Variants in FAM234A observed in about 807,000 individuals in gnomAD.
The protein encoded by FAM234A is protein FAM234A.
Under a neutral mutation model 49.1 loss-of-function variants are expected in FAM234A, and 42 were observed. The observed-to-expected ratio is 0.86, with a 90% CI of 0.67 to 1.11. The LOEUF (loss-of-function observed/expected upper bound fraction) is 1.11, where lower values mean the gene tolerates loss of function less well. Ranked by LOEUF, FAM234A falls within the 50% of genes least tolerant of loss-of-function variation. The pLI is 0.00. For synonymous variants in FAM234A, 369 were observed against 316.2 expected, an observed-to-expected ratio of 1.17 and a Z score of -1.77; for missense variants, 815 against 745.2, an observed-to-expected ratio of 1.09 and a Z score of -1.09.
At chr16:237,493 T>C (rs1281965863) in intron 1 of FAM234A, among the ~76,000 whole-genome samples, 1 of 151,986 alleles carries the variant, frequency 6.6e-6, no homozygotes, top group Non-Finnish European at 1.5e-5. Flanking sequence ...AAATAAAAGC[T>C]GGACCAGGGC....
At chr16:239,484 G>A (rs1024719448) in intron 1 of FAM234A, among the ~76,000 whole-genome samples, 2 of 149,982 alleles carry the variant, frequency 1.3e-5, no homozygotes, top group African/African-American at 2.5e-5. Context: ...ACGTGGTGGC[G>A]GGCACCTGTA....
chr16:248,717 C>A (rs1401858936), intron 1 of FAM234A, among the ~76,000 whole-genome samples: 2 of 151,838 alleles, frequency 1.3e-5, no homozygotes, highest in Non-Finnish European at 2.9e-5. Flanking sequence ...ACCTCCCGGG[C>A]TCAAGCAATC....
At chr16:251,538 CT>C (rs1371936074) in intron 2 of FAM234A, among the ~76,000 whole-genome samples, 3 of 151,994 alleles carry the variant, frequency 2.0e-5, no homozygotes, top group African/African-American at 7.2e-5. Context: ...CCATACCCAA[CT>C]AATTTTTTTG....
chr16:244,854 A>ATTTTTTTTTTTTTTTTTTTT (rs1203898846), intron 1 of FAM234A, among the ~76,000 whole-genome samples: 2 of 147,382 alleles, frequency 1.4e-5, no homozygotes, highest in African/African-American at 2.5e-5. Context: ...CGCCCGGCTA[A>ATTTTTTTTTTTTTTTTTTTT]TTTTTTTTTG....
downstream of FAM234A, chr16:269,479 C>T (rs117328895): frequency 2.7e-3 from 4,379 of 1,610,964 alleles, 208 homozygotes; most frequent in East Asian, 0.085. Context: ...CAGCCGCCGG[C>T]CACAGGGCAC....
chr16:269,213 G>T, downstream of FAM234A: 1 of 1,286,160 alleles, frequency 7.8e-7, no homozygotes, highest in East Asian at 2.5e-5. Flanking sequence ...GGTGGCTGCT[G>T]CATTCACGCA....
chr16:269,260 C>T, downstream of FAM234A: 1 of 1,539,980 alleles, frequency 6.5e-7, no homozygotes, highest in Non-Finnish European at 8.8e-7. Flanking sequence ...GGCAGATGGG[C>T]CAGGTCCACT....
intron 1 of FAM234A, among the ~76,000 whole-genome samples, chr16:243,139 C>T (rs1232901334): frequency 6.6e-6 from 1 of 152,012 alleles, no homozygotes; most frequent in Non-Finnish European, 1.5e-5. Flanking sequence ...TGCCACTACA[C>T]CTAATTTTAT....
chr16:237,119 A>C (rs1186381397), intron 1 of FAM234A, among the ~76,000 whole-genome samples: 1 of 151,776 alleles, frequency 6.6e-6, no homozygotes, highest in Non-Finnish European at 1.5e-5. Flanking sequence ...TTGCCCAGGC[A>C]GGTCTCAAAC....
downstream of FAM234A, chr16:269,822 C>T (rs543865306): frequency 1.7e-4 from 88 of 507,852 alleles, no homozygotes; most frequent in African/African-American, 1.5e-3. Context: ...CTGGTGGCCA[C>T]GTGTAGAGGA....
chr16:253,057 G>T (rs1339208355), intron 2 of FAM234A, among the ~76,000 whole-genome samples: 1 of 152,228 alleles, frequency 6.6e-6, no homozygotes, highest in East Asian at 1.9e-4. Flanking sequence ...GAGACAAAAT[G>T]GAAGTTTGTT....
rs768537070 is a variant in FAM234A, at chr16:248,872, C to T, written c.-139-677C>T. Among the ~76,000 whole-genome samples the T allele has an allele frequency of 1.3e-5, 2 of 152,072 alleles. 1 individual carries two copies. Among genetic ancestry groups the T allele is most frequent in the African/African-American group, 4.8e-5 (2 of 41,348 alleles). ...CTAGGCTCAAGCGACCCACCTGCCT[C>T]AGTCCCCCAAAGTGCTGGGATTACA... On this transcript the variant is annotated intron_variant, in intron 1 of 12. Coordinates refer to ENST00000399932, the MANE Select transcript of FAM234A (RefSeq NM_032039.4).
chr16:266,140 T>C (rs2051687431), downstream of FAM234A: 2 of 946,820 alleles, frequency 2.1e-6, no homozygotes, highest in South Asian at 4.9e-5. Flanking sequence ...CGTCTGCCTG[T>C]CTGTCTGCTC....
chr16:242,503 C>T (rs1476241397), intron 1 of FAM234A, among the ~76,000 whole-genome samples: 4 of 151,916 alleles, frequency 2.6e-5, no homozygotes, highest in African/African-American at 9.7e-5. Context: ...CACGAGTCAC[C>T]GCGGGCTTAC....
chr16:264,259 A>G (rs552345956), intron 11 of FAM234A, 88 bp downstream of exon 11: 1 of 1,351,080 alleles, frequency 7.4e-7, no homozygotes, highest in Non-Finnish European at 9.9e-7. Flanking sequence ...CCAGAAGCTC[A>G]TCGGTGCCTG....
rs376634329 is a variant in FAM234A, at chr16:265,942, G to A, written c.*920G>A. On this transcript the variant is annotated 3_prime_UTR_variant, in exon 13 of 13. Coordinates refer to ENST00000399932, the MANE Select transcript of FAM234A (RefSeq NM_032039.4). ...GCCACCCGATGCAGGACTCACCTCTGTGCCTTGCTGCTCCTGAGGCCCAAG... is the reference window on the plus strand; with the variant it reads ...GCCACCCGATGCAGGACTCACCTCTATGCCTTGCTGCTCCTGAGGCCCAAG... 2.3e-4 allele frequency: 222 copies of A among 986,004 alleles called. No homozygotes were observed. In the South Asian group the frequency reaches 8.6e-3, roughly 38 times the overall value. The allele number at this position is 986,004 out of a possible 1,614,324, so 61.1% of individuals were successfully genotyped here.
At chr16:235,064 A>G (rs577130081) in intron 1 of FAM234A, among the ~76,000 whole-genome samples, 84 of 152,296 alleles carry the variant, frequency 5.5e-4, no homozygotes, top group Middle Eastern at 3.4e-3. Flanking sequence ...GCGGGTCGGC[A>G]GCAGCGCCTC....
chr16:250,395 C>G (rs1027173836), intron 2 of FAM234A, among the ~76,000 whole-genome samples: 4 of 134,798 alleles, frequency 3.0e-5, no homozygotes, highest in African/African-American at 1.6e-4. Flanking sequence ...TCCCTAGTTA[C>G]CTTTTCCAGA....
At chr16:244,831 G>A (rs770948756) in intron 1 of FAM234A, among the ~76,000 whole-genome samples, 1 of 151,430 alleles carries the variant, frequency 6.6e-6, no homozygotes, top group Non-Finnish European at 1.5e-5. Flanking sequence ...GGGATTACAG[G>A]CATGCACCAC....
Sources: gnomAD v4.1 joint callset for allele counts (sites outside exome capture counted in the v4.1 genomes callset) on GRCh38, gnomAD v4.1.1 for gene constraint, MANE v1.5 for transcripts, NCBI Gene and HGNC (gene_info 2026-07-23, HGNC 2026-07-21) for gene names.